Variants in HELQ observed in about 807,000 individuals in gnomAD.
HELQ encodes helicase, POLQ like.
Under a neutral mutation model 111.6 loss-of-function variants are expected in HELQ, and 77 were observed. The observed-to-expected ratio is 0.69, with a 90% CI of 0.57 to 0.83. The LOEUF is 0.83. Among genes scored for constraint, HELQ ranks in the 40% least tolerant of loss-of-function variants. The pLI, the probability that HELQ is intolerant of heterozygous loss-of-function variation, is 0.00. For synonymous variants in HELQ, 438 were observed against 454.7 expected, an observed-to-expected ratio of 0.96 and a Z score of 0.47; for missense variants, 1,200 against 1,288.5, an observed-to-expected ratio of 0.93 and a Z score of 1.05.
chr4:83,415,299 CT>C (rs1330497677), intron 17 of HELQ, among the ~76,000 whole-genome samples: 3 of 152,092 alleles, frequency 2.0e-5, no homozygotes, highest in Non-Finnish European at 4.4e-5. Flanking sequence ...AAGAGAAACC[CT>C]TGGGGGCAAT....
intron 5 of HELQ, 67 bp downstream of exon 5, chr4:83,445,947 G>A (rs1432862301): frequency 9.7e-7 from 1 of 1,026,134 alleles, no homozygotes; most frequent in African/African-American, 1.6e-5. Context: ...GCTAGTGATA[G>A]AATTAAGTAT....
In HELQ at chr4:83,421,725, C is replaced by T; in HGVS notation, c.2787G>A (p.Lys929=). Reference sequence around the variant, plus strand: ...ACAGATATAGCCTGTTGACAACGTTCTTGTCCACCTTCTAGAAAGACACAA... The same window carrying T: ...ACAGATATAGCCTGTTGACAACGTTTTTGTCCACCTTCTAGAAAGACACAA... The part of the protein sequence containing the change: ...SGQAIGKKVD[K]NVVNRLYLSF... The change falls in exon 15 of 18, where the codon AAG becomes AAA. Residue 929 remains lysine (K), a synonymous_variant. Coordinates refer to ENST00000295488, the MANE Select transcript of HELQ (RefSeq NM_133636.5). 2 of 1,612,440 alleles carry T rather than the reference C, an allele frequency of 1.2e-6. No homozygotes were observed. Among genetic ancestry groups the T allele is most frequent in the Non-Finnish European group, 1.7e-6 (2 of 1,179,326 alleles).
chr4:83,432,323 T>A, intron 9 of HELQ, 56 bp from the exon 10 acceptor site: 1 of 1,313,084 alleles, frequency 7.6e-7, no homozygotes, highest in Non-Finnish European at 1.0e-6. Flanking sequence ...TTTAAAAAAT[T>A]CTTAATTTCA....
chr4:83,418,240 T>G, intron 15 of HELQ, 34 bp from the exon 16 acceptor site: 7 of 1,260,514 alleles, frequency 5.6e-6, no homozygotes, highest in Non-Finnish European at 7.9e-6. Flanking sequence ...AAAATTTAAA[T>G]TTTGTAAGTT....
chr4:83,451,242 C>CA (rs146919025), intron 2 of HELQ, among the ~76,000 whole-genome samples: 13,891 of 150,912 alleles, frequency 0.092, 2,070 homozygotes, highest in African/African-American at 0.32. Context: ...CTCTAACTTG[C>CA]AAAAAAAAAT....
At chr4:83,440,339 C>T (rs528062808) in intron 7 of HELQ, among the ~76,000 whole-genome samples, 14 of 151,966 alleles carry the variant, frequency 9.2e-5, no homozygotes, top group Non-Finnish European at 1.9e-4. Context: ...CACAGCAGAA[C>T]AAAAAAGTCC....
intron 2 of HELQ, 64 bp from the exon 3 acceptor site, chr4:83,449,025 C>G: frequency 8.1e-7 from 1 of 1,229,802 alleles, no homozygotes; most frequent in Non-Finnish European, 1.1e-6. Flanking sequence ...CAAAAGTTTT[C>G]TAAGAAAAAA....
chr4:83,449,943 G>A (rs60512633), intron 2 of HELQ, among the ~76,000 whole-genome samples: 9,880 of 150,626 alleles, frequency 0.066, 1,085 homozygotes, highest in African/African-American at 0.23. Context: ...TTTCATGTAC[G>A]GTTGTGAGAA....
At position 83,448,862 on chromosome 4, in the gene HELQ, A is replaced by G. The variant is rs756982390; in HGVS notation, c.1112T>C (p.Ile371Thr). 1.9e-6 allele frequency: 3 copies of G among 1,613,962 alleles called. No individual in the cohort carries two copies. The East Asian group carries it at 6.7e-5, about 36-fold the overall frequency. The change falls in exon 3 of 18, where the codon ATT becomes ACT. Residue 371 changes from isoleucine to threonine, a missense_variant. Coordinates refer to ENST00000295488, the MANE Select transcript of HELQ (RefSeq NM_133636.5). ...GCAAAGCAGTTCTTGCAGCATTAAAATCTCAGCCACGAGGGTTTTTCCACC... is the reference window on the plus strand; with the variant it reads ...GCAAAGCAGTTCTTGCAGCATTAAAGTCTCAGCCACGAGGGTTTTTCCACC... Reference protein sequence around the residue: ...TSGGKTLVAEILMLQELLCCR... With the variant: ...TSGGKTLVAETLMLQELLCCR...
intron 17 of HELQ, among the ~76,000 whole-genome samples, chr4:83,413,012 T>C (rs756561030): frequency 1.3e-5 from 2 of 152,220 alleles, no homozygotes; most frequent in Non-Finnish European, 2.9e-5. Context: ...TTGTCAATCA[T>C]GCCAACCCAA....
Position 83,455,704 on chromosome 4 carries a change from C to T in HELQ, c.-11G>A, listed in dbSNP as rs555652067. 1 of 1,598,984 alleles carries T rather than the reference C, an allele frequency of 6.3e-7. No individual in the cohort carries two copies. The highest frequency in any genetic ancestry group is 2.2e-5 in the East Asian group (1 of 44,862). ...ACCACATTCATCCATGGCAAGGACC[C>T]AGGGCCCTATTCAGACGTCGTTCTC... On this transcript the variant is annotated 5_prime_UTR_variant, in exon 1 of 18. Transcript: ENST00000295488.
At chr4:83,425,215 G>A (rs1219284303) in intron 14 of HELQ, among the ~76,000 whole-genome samples, 13 of 150,496 alleles carry the variant, frequency 8.6e-5, no homozygotes, top group African/African-American at 3.2e-4. Flanking sequence ...GGAAGGTGGA[G>A]GTGTCAGTGA....
chr4:83,450,026 G>C (rs1410979699), intron 2 of HELQ, among the ~76,000 whole-genome samples: 1 of 151,686 alleles, frequency 6.6e-6, no homozygotes, highest in African/African-American at 2.4e-5. Flanking sequence ...TGATCTGGTA[G>C]TATTACTTTT....
At chr4:83,424,387 C>T (rs1293173085) in intron 14 of HELQ, among the ~76,000 whole-genome samples, 5 of 152,162 alleles carry the variant, frequency 3.3e-5, no homozygotes, top group African/African-American at 9.7e-5. Context: ...AAGACCCAAT[C>T]TAAAAATTGT....
intron 2 of HELQ, among the ~76,000 whole-genome samples, chr4:83,450,544 A>C (rs1455335305): frequency 6.6e-6 from 1 of 152,036 alleles, no homozygotes; most frequent in African/African-American, 2.4e-5. Flanking sequence ...GTATCACCCG[A>C]GTTATCAAAT....
rs1202123765 is a variant in HELQ, at chr4:83,451,715, C to T, written c.1012+1516G>A. 9.9e-5 allele frequency among the ~76,000 whole-genome samples: 15 copies of T among 152,112 alleles called. No individual in the cohort carries two copies. In the East Asian group the frequency reaches 2.5e-3, roughly 25 times the overall value. ...AAACAAAAAGATGAGTTAGATAGAGCCTTGTCCTCAGGATATTCATTCTGG... is the reference window on the plus strand; with the variant it reads ...AAACAAAAAGATGAGTTAGATAGAGTCTTGTCCTCAGGATATTCATTCTGG... On this transcript the variant is annotated intron_variant, in intron 2 of 17. Transcript: ENST00000295488.
At chr4:83,438,749 A>G (rs113424660) in intron 8 of HELQ, among the ~76,000 whole-genome samples, 2 of 30,800 alleles carry the variant, frequency 6.5e-5, no homozygotes, top group African/African-American at 1.9e-4. Flanking sequence ...CTGTCTCAGG[A>G]AAAAAAAAAA....
At chr4:83,432,067 G>T in intron 10 of HELQ, 59 bp downstream of exon 10, 1 of 1,124,600 alleles carries the variant, frequency 8.9e-7, no homozygotes, top group Non-Finnish European at 1.3e-6. Context: ...TTCATAAAAG[G>T]GCTAGACCAA....
chr4:83,424,133 A>G (rs1028828659), intron 14 of HELQ, among the ~76,000 whole-genome samples: 31 of 152,312 alleles, frequency 2.0e-4, no homozygotes, highest in Admixed American at 9.2e-4. Context: ...ATATGTATCA[A>G]TTTGGCAAAT....
Sources: gnomAD v4.1 joint callset for allele counts (sites outside exome capture counted in the v4.1 genomes callset) on GRCh38, gnomAD v4.1.1 for gene constraint, MANE v1.5 for transcripts, NCBI Gene and HGNC (gene_info 2026-07-23, HGNC 2026-07-21) for gene names.